Variants in WNK1 observed in about 807,000 individuals in gnomAD.
WNK1 encodes WNK lysine deficient protein kinase 1, also known as serine/threonine-protein kinase WNK1.
A neutral mutation model predicts 222.8 loss-of-function variants in WNK1; 38 were observed. That is an observed-to-expected ratio of 0.17 (90% confidence interval 0.13 to 0.22). The LOEUF (loss-of-function observed/expected upper bound fraction) is 0.22, where lower values mean the gene tolerates loss of function less well. Among genes scored for constraint, WNK1 ranks in the 10% least tolerant of loss-of-function variants. The probability of loss-of-function intolerance (pLI) is 1.00; values close to 1 mark genes in which losing one functional copy is unlikely to be tolerated. For synonymous variants in WNK1, 1,090 were observed against 1,092.9 expected (o/e 1.00, Z 0.05); for missense variants, 2,348 against 2,918.4 (o/e 0.80, Z 4.50).
At chr12:775,587 C>G (rs759860916) in intron 1 of WNK1, among the ~76,000 whole-genome samples, 6 of 152,084 alleles carry the variant, frequency 3.9e-5, no homozygotes, top group South Asian at 2.1e-4. Flanking sequence ...GTGGTACATG[C>G]CTGGAGTCCT....
At chr12:790,654 C>A (rs1055982984) in intron 1 of WNK1, among the ~76,000 whole-genome samples, 3 of 152,186 alleles carry the variant, frequency 2.0e-5, no homozygotes, top group African/African-American at 7.2e-5. Context: ...GCAACGTGCT[C>A]TGTGAGATTA....
At chr12:771,443 G>A (rs915727927) in intron 1 of WNK1, among the ~76,000 whole-genome samples, 1 of 152,034 alleles carries the variant, frequency 6.6e-6, no homozygotes, top group Non-Finnish European at 1.5e-5. Context: ...ATAAACTGTA[G>A]TTCAGCTATT....
Position 754,069 on chromosome 12 carries a change from G to T in WNK1, c.504G>T (p.Gln168His), listed in dbSNP as rs1332815711. Reference protein sequence around the residue: ...SSTSKDRPVSQPSLVGSKEEP... With the variant: ...SSTSKDRPVSHPSLVGSKEEP... ...CCAGCAAAGACCGCCCAGTGTCCCAGCCTAGCCTTGTGGGGAGCAAAGAGG... is the reference window on the plus strand; with the variant it reads ...CCAGCAAAGACCGCCCAGTGTCCCATCCTAGCCTTGTGGGGAGCAAAGAGG... The change falls in exon 1 of 28, where the codon CAG becomes CAT. Residue 168 changes from glutamine (Q) to histidine (H), a missense_variant. This residue lies in a region of WNK1 where 185 missense variants were observed against 159.2 expected (regional missense o/e 1.16). Transcript: ENST00000315939. The T allele has an allele frequency of 6.2e-6, 10 of 1,605,918 alleles. No individual in the cohort carries two copies. Among genetic ancestry groups the T allele is most frequent in the Non-Finnish European group, 8.5e-6 (10 of 1,176,884 alleles).
At chr12:898,598 T>A (rs1282906534) in intron 25 of WNK1, among the ~76,000 whole-genome samples, 1 of 152,172 alleles carries the variant, frequency 6.6e-6, no homozygotes, top group Non-Finnish European at 1.5e-5. Context: ...AGACAGGGCC[T>A]CACTCTGTTG....
intron 2 of WNK1, among the ~76,000 whole-genome samples, chr12:814,801 A>G (rs191115612): frequency 3.3e-5 from 5 of 152,214 alleles, no homozygotes; most frequent in Admixed American, 1.3e-4. Context: ...TGTGCACTCT[A>G]TTTCTATTAT....
Position 762,566 on chromosome 12 carries a change from G to T in WNK1, c.759+8242G>T, listed in dbSNP as rs1382438876. 2.0e-5 allele frequency among the ~76,000 whole-genome samples: 3 copies of T among 147,188 alleles called. 1 individual carries two copies. Among genetic ancestry groups the T allele is most frequent in the Non-Finnish European group, 4.6e-5 (3 of 65,908 alleles). ...AACCTGAGGATGTGGAGGGCGGACT[G>T]TTCTTATGTGTAGAAAGTAGAGAGT... On this transcript the variant is annotated intron_variant, in intron 1 of 27. Transcript: ENST00000315939.
At chr12:837,936 C>G (rs1949324533) in intron 4 of WNK1, among the ~76,000 whole-genome samples, 1 of 152,166 alleles carries the variant, frequency 6.6e-6, no homozygotes, top group Non-Finnish European at 1.5e-5. Context: ...TTTTTCTATT[C>G]TGGACATTTC....
intron 22 of WNK1, among the ~76,000 whole-genome samples, chr12:893,236 G>A (rs902310388): frequency 7.2e-5 from 11 of 152,030 alleles, no homozygotes; most frequent in African/African-American, 2.4e-4. Context: ...CAGCCTGGGT[G>A]ACAGAGTGAG....
chr12:896,301 G>A lies in WNK1; in HGVS notation c.5814G>A (p.Gly1938=). Residue 1938 remains glycine (G), a synonymous_variant, in exon 24 of 28, where the codon GGG becomes GGA. Transcript: ENST00000315939. ...TTASEAKSDT[G]QPTKVGRFQV... ...CCTCAGAGGCAAAGTCAGACACTGG[G>A]CAGCCTACCAAGGTTGGACGTTTTC... 6.2e-7 allele frequency: 1 copy of A among 1,614,192 alleles called. No homozygotes were observed. Among genetic ancestry groups the A allele is most frequent in the Non-Finnish European group, 8.5e-7 (1 of 1,180,030 alleles).
chr12:867,192 T>A (rs1951745842), intron 8 of WNK1, among the ~76,000 whole-genome samples: 1 of 152,218 alleles, frequency 6.6e-6, no homozygotes, highest in Admixed American at 6.5e-5. Context: ...CATTTTGTGA[T>A]TTAACTCTGT....
Position 815,166 on chromosome 12 carries a change from A to ATAT in WNK1, c.932+1354_932+1356dup, listed in dbSNP as rs1461353615. Among the ~76,000 whole-genome samples, 4 of 152,314 alleles carry ATAT rather than the reference A, an allele frequency of 2.6e-5. No individual in the cohort carries two copies. In the East Asian group the frequency reaches 7.7e-4, roughly 29 times the overall value. ...CAGGTTCCTAAAAGGCCATGGACTGATATTGATCTGTGGCTCAGTGGTTGG... is the reference window on the plus strand; with the variant it reads ...CAGGTTCCTAAAAGGCCATGGACTGATATTATTGATCTGTGGCTCAGTGGTTGG... On this transcript the variant is annotated intron_variant, in intron 2 of 27. Transcript: ENST00000315939.
At chr12:865,279 A>G in intron 8 of WNK1, 2 of 1,536,096 alleles carry the variant, frequency 1.3e-6, no homozygotes, top group South Asian at 1.2e-5. Flanking sequence ...AAGCTTTCTA[A>G]AGCATTGGAG....
intron 26 of WNK1, 155 bp downstream of exon 26, chr12:900,825 G>A (rs1475688087): frequency 2.1e-6 from 2 of 939,840 alleles, no homozygotes; most frequent in South Asian, 1.3e-5. Context: ...GAAGTGGAGT[G>A]ATAATGAGAA....
At chr12:904,771 G>A (rs1016210254) in intron 26 of WNK1, among the ~76,000 whole-genome samples, 5 of 152,264 alleles carry the variant, frequency 3.3e-5, no homozygotes, top group African/African-American at 4.8e-5. Context: ...ATGGGAGAGC[G>A]ATCCTTTGGT....
intron 1 of WNK1, among the ~76,000 whole-genome samples, chr12:778,293 T>C (rs1190811259): frequency 6.6e-6 from 1 of 152,118 alleles, no homozygotes; most frequent in Non-Finnish European, 1.5e-5. Flanking sequence ...AAATTCTCTT[T>C]TTAAATTTTT....
At chr12:904,923 T>A (rs1955575458) in intron 26 of WNK1, among the ~76,000 whole-genome samples, 1 of 152,326 alleles carries the variant, frequency 6.6e-6, no homozygotes, top group South Asian at 2.1e-4. Context: ...CACCACTTTC[T>A]AGAGTTTGTC....
At chr12:806,076 T>C (rs1946344308) in intron 1 of WNK1, among the ~76,000 whole-genome samples, 1 of 152,144 alleles carries the variant, frequency 6.6e-6, no homozygotes, top group Non-Finnish European at 1.5e-5. Context: ...GTGAATGGGG[T>C]AGCTGCCATA....
Position 885,551 on chromosome 12 carries a change from C to T in WNK1, c.4747C>T (p.Pro1583Ser), listed in dbSNP as rs1172878486. ...PSVIASTPILPQAAGPTSTPL... is the reference protein window; with the variant it reads ...PSVIASTPILSQAAGPTSTPL... The stretch of plus-strand genomic sequence containing the variant: ...AGTGATAGCTTCTACTCCTATTCTT[C>T]CCCAAGCAGCAGGACCTACTTCTAC... Residue 1583 changes from proline (P) to serine (S), a missense_variant, in exon 19 of 28, where the codon CCC becomes TCC. Pro to Ser is a moderately conservative substitution (Grantham distance 74, BLOSUM62 -1). Coordinates refer to ENST00000315939, the MANE Select transcript of WNK1 (RefSeq NM_018979.4). 4.3e-6 allele frequency: 7 copies of T among 1,613,976 alleles called. No homozygotes were observed.
rs1366436798 is a variant in WNK1 at position 861,325 on chromosome 12, C to T, written c.1933C>T (p.Pro645Ser). The T allele has an allele frequency of 1.2e-6, 2 of 1,614,102 alleles. No homozygotes were observed. Among genetic ancestry groups the T allele is most frequent in the East Asian group, 2.2e-5 (1 of 44,884 alleles). Residue 645 changes from proline to serine, a missense_variant, in exon 7 of 28, where the codon CCC becomes TCC. This residue lies in a region of WNK1 where 6 missense variants were observed against 26.4 expected (regional missense o/e 0.23). Coordinates refer to ENST00000315939, the MANE Select transcript of WNK1 (RefSeq NM_018979.4). ...ACATCAACAACTACAGTACCAGCAACCCAGTATATCTGTGTTATGTACGTA... is the reference window on the plus strand; with the variant it reads ...ACATCAACAACTACAGTACCAGCAATCCAGTATATCTGTGTTATGTACGTA... ...DQHQQLQYQQPSISVLSDGTV... is the reference protein window; with the variant it reads ...DQHQQLQYQQSSISVLSDGTV...
Sources: allele counts gnomAD v4.1 joint callset (sites outside exome capture counted in the v4.1 genomes callset), GRCh38; gene constraint gnomAD v4.1.1; regional missense constraint gnomAD v4.1.1; transcripts MANE v1.5; gene names NCBI Gene and HGNC (gene_info 2026-07-23, HGNC 2026-07-21).